PCDHA10: variants seen among roughly 807,000 people sequenced by gnomAD.
PCDHA10 encodes protocadherin alpha-10.
In PCDHA10, 45 loss-of-function variants were observed where a neutral mutation model predicts 61.2. The observed-to-expected ratio is 0.74, with a 90% CI of 0.58 to 0.94. The LOEUF (loss-of-function observed/expected upper bound fraction) is 0.94. Ranked by LOEUF, PCDHA10 falls within the 40% of genes least tolerant of loss-of-function variation. The pLI is 0.00. For missense variants in PCDHA10, 1,278 were observed against 1,236.2 expected (o/e 1.03, Z -0.51); for synonymous variants, 602 against 548.8 (o/e 1.10, Z -1.35).
intron 1 of PCDHA10, among the ~76,000 whole-genome samples, chr5:140,891,033 G>C (rs2062910794): frequency 6.6e-6 from 1 of 151,596 alleles, no homozygotes; most frequent in South Asian, 2.1e-4. Context: ...TATAATCTTA[G>C]GTGTGACCCC....
Position 140,856,334 on chromosome 5 carries a change from G to A in PCDHA10, c.286G>A (p.Gly96Arg). The A allele has an allele frequency of 1.3e-6, 2 of 1,598,614 alleles. No individual in the cohort carries two copies. Among genetic ancestry groups the A allele is most frequent in the Non-Finnish European group, 1.7e-6 (2 of 1,168,032 alleles). Reference protein sequence around the residue: ...NSRIDREELCGRSVECSIHLE... With the variant: ...NSRIDREELCRRSVECSIHLE... ...TCGGATTGACCGCGAGGAGCTGTGC[G>A]GGCGGAGCGTGGAGTGCAGCATCCA... The change falls in exon 1 of 4, where the codon GGG becomes AGG. Residue 96 changes from glycine (G) to arginine (R), a missense_variant. Transcript: ENST00000307360.
intron 1 of PCDHA10, among the ~76,000 whole-genome samples, chr5:140,889,404 G>A (rs565254911): frequency 2.0e-5 from 3 of 151,972 alleles, no homozygotes; most frequent in South Asian, 2.1e-4. Context: ...TAATTTACTC[G>A]AGTCAGTTAC....
chr5:140,941,245 TTCTTTCTTTCTC>T (rs2092955664), intron 1 of PCDHA10, among the ~76,000 whole-genome samples: 1 of 140,868 alleles, frequency 7.1e-6, no homozygotes, highest in African/African-American at 2.6e-5. Flanking sequence ...CTTTCTTTCT[TTCTTTCTTTCTC>T]TTTCTTTCTT....
chr5:140,979,144 T>C, intron 2 of PCDHA10, 137 bp downstream of exon 2: 1 of 1,448,584 alleles, frequency 6.9e-7, no homozygotes. Flanking sequence ...GCAATTATTT[T>C]GTCCCCATGT....
At position 140,856,236 on chromosome 5, in the gene PCDHA10, TC is replaced by T. The variant is rs1554148438; in HGVS notation, c.190del (p.Arg64GlyfsTer13). 1.3e-6 allele frequency: 2 copies of T among 1,597,912 alleles called. No homozygotes were observed. Among genetic ancestry groups the T allele is most frequent in the East Asian group, 2.2e-5 (1 of 44,856 alleles). ...LELAELVQRL[F>X]RVASKRHGDL... ...CTGGCGGAGCTGGTGCAGCGCCTGTTCCGGGTGGCGTCCAAAAGACACGGGG... is the reference window on the plus strand; with the variant it reads ...CTGGCGGAGCTGGTGCAGCGCCTGTTCGGGTGGCGTCCAAAAGACACGGGG... On this transcript the variant is annotated frameshift_variant, in exon 1 of 4. Coordinates refer to ENST00000307360, the MANE Select transcript of PCDHA10 (RefSeq NM_018901.4). LOFTEE classifies it high-confidence loss of function.
chr5:140,870,864 C>T lies in PCDHA10; in HGVS notation c.2388+12428C>T, dbSNP rs782241816. The T allele has an allele frequency of 3.7e-6, 6 of 1,613,816 alleles. No homozygotes were observed. The African/African-American group carries it at 8.0e-5, about 22-fold the overall frequency. ...TAGTACCGCGGTCGGTGGGTGCGGG[C>T]CACGTGGTGGCGAAGGTGCGCGCAG... On this transcript the variant is annotated intron_variant, in intron 1 of 3. Coordinates refer to ENST00000307360, the MANE Select transcript of PCDHA10 (RefSeq NM_018901.4).
At chr5:140,867,118 T>G (rs2049765139) in intron 1 of PCDHA10, 1 of 152,172 alleles carries the variant, frequency 6.6e-6, no homozygotes, top group Non-Finnish European at 1.5e-5. Context: ...CATATTGTTT[T>G]AATTCAAATA....
At position 140,917,315 on chromosome 5, in the gene PCDHA10, T is replaced by C. The variant is rs1015690007; in HGVS notation, c.2388+58879T>C. Among the ~76,000 whole-genome samples, 5 of 128,328 alleles carry C rather than the reference T, an allele frequency of 3.9e-5. No homozygotes were observed. In the East Asian group the frequency reaches 1.3e-3, roughly 32 times the overall value. 84.2% of individuals were successfully genotyped at this position (128,328 alleles called of 152,430 possible). A position where few individuals can be genotyped will look rare whatever the true frequency, so the allele number is the denominator to read the frequency against. On this transcript the variant is annotated intron_variant, in intron 1 of 3. Coordinates refer to ENST00000307360, the MANE Select transcript of PCDHA10 (RefSeq NM_018901.4). Reference sequence around the variant, plus strand: ...TGCAGATAGTTGTTACAATTTGGTGTTCATGTGGCGGGGGAGGGGGGGGAT... The same window carrying C: ...TGCAGATAGTTGTTACAATTTGGTGCTCATGTGGCGGGGGAGGGGGGGGAT...
intron 1 of PCDHA10, among the ~76,000 whole-genome samples, chr5:140,940,877 T>G (rs2092697297): frequency 2.0e-5 from 3 of 152,378 alleles, no homozygotes; most frequent in East Asian, 3.9e-4. Flanking sequence ...GAGTGAATAC[T>G]ACTGCTAGTA....
rs184181496 is a variant in PCDHA10 at position 140,857,350 on chromosome 5, G to A, written c.1302G>A (p.Leu434=). ...CGCGGGACGGGGGCTCGCCTCCGCTGTGGGCCACGGCCAGCGTGTCTGTGG... is the reference window on the plus strand; with the variant it reads ...CGCGGGACGGGGGCTCGCCTCCGCTATGGGCCACGGCCAGCGTGTCTGTGG... The part of the protein sequence containing the change: ...VTARDGGSPP[L]WATASVSVEV... The change falls in exon 1 of 4, where the codon CTG becomes CTA. Residue 434 remains leucine, a synonymous_variant. Coordinates refer to ENST00000307360, the MANE Select transcript of PCDHA10 (RefSeq NM_018901.4). 5 of 1,598,502 alleles carry A rather than the reference G, an allele frequency of 3.1e-6. 1 individual carries two copies. In the Admixed American group the frequency reaches 6.7e-5, roughly 22 times the overall value.
At chr5:140,979,738 G>T (rs754559318) in intron 2 of PCDHA10, among the ~76,000 whole-genome samples, 10 of 152,194 alleles carry the variant, frequency 6.6e-5, no homozygotes, top group East Asian at 1.9e-4. Context: ...CCAAATAAAA[G>T]ATTCATTATT....
intron 1 of PCDHA10, among the ~76,000 whole-genome samples, chr5:140,899,881 C>G (rs1334700648): frequency 6.6e-6 from 1 of 152,146 alleles, no homozygotes; most frequent in Non-Finnish European, 1.5e-5. Context: ...TAACAGAACT[C>G]AGTGCAGCCT....
At chr5:140,954,237 A>G (rs1442141242) in intron 1 of PCDHA10, among the ~76,000 whole-genome samples, 14 of 152,338 alleles carry the variant, frequency 9.2e-5, no homozygotes, top group Middle Eastern at 3.4e-3. Flanking sequence ...TAGTGCTGCA[A>G]TGAACATACA....
At chr5:140,900,575 C>A (rs994036757) in intron 1 of PCDHA10, among the ~76,000 whole-genome samples, 5 of 152,330 alleles carry the variant, frequency 3.3e-5, no homozygotes, top group African/African-American at 1.2e-4. Flanking sequence ...CGGCACCGGC[C>A]CATTTTCTTT....
intron 1 of PCDHA10, among the ~76,000 whole-genome samples, chr5:140,964,412 GC>G (rs1330052602): frequency 7.9e-5 from 12 of 152,126 alleles, no homozygotes; most frequent in African/African-American, 2.9e-4. Flanking sequence ...ACATTTGGGG[GC>G]TTCCATTAAA....
chr5:140,864,460 T>C (rs2048484111), intron 1 of PCDHA10: 1 of 152,246 alleles, frequency 6.6e-6, no homozygotes, highest in African/African-American at 2.4e-5. Flanking sequence ...AATATCCATC[T>C]TTTTTGAGAT....
At chr5:140,967,155 C>A (rs1554229255) in intron 1 of PCDHA10, 1 of 1,610,598 alleles carries the variant, frequency 6.2e-7, no homozygotes, top group Admixed American at 1.7e-5. Context: ...AACCCCGTGG[C>A]GGTGAGCGCC....
At chr5:140,984,631 T>C (rs1400847452) in intron 3 of PCDHA10, among the ~76,000 whole-genome samples, 1 of 152,192 alleles carries the variant, frequency 6.6e-6, no homozygotes, top group Non-Finnish European at 1.5e-5. Flanking sequence ...TTAAAGGGAT[T>C]CTCTGCCTTC....
intron 1 of PCDHA10, chr5:140,968,757 A>G (rs1488596963): frequency 6.2e-7 from 1 of 1,614,204 alleles, no homozygotes; most frequent in Non-Finnish European, 8.5e-7. Flanking sequence ...GTGGTCCGAG[A>G]TAATGGAGAG....
Sources: allele counts gnomAD v4.1 joint callset (sites outside exome capture counted in the v4.1 genomes callset), GRCh38; gene constraint gnomAD v4.1.1; transcripts MANE v1.5; gene names NCBI Gene and HGNC (gene_info 2026-07-23, HGNC 2026-07-21).